CAST: variants seen among roughly 807,000 people sequenced by gnomAD.
CAST encodes MIR583 host.
A neutral mutation model predicts 119.6 loss-of-function variants in CAST; 76 were observed. The observed-to-expected ratio is 0.64, with a 90% confidence interval of 0.53 to 0.77. The LOEUF (loss-of-function observed/expected upper bound fraction) is 0.77, where lower values mean the gene tolerates loss of function less well. CAST is among the 30% of genes least tolerant of loss of function. The pLI is 0.00. For missense variants in CAST, 953 were observed against 946.5 expected, an observed-to-expected ratio of 1.01 and a Z score of -0.09; for synonymous variants, 319 against 331.6, an observed-to-expected ratio of 0.96 and a Z score of 0.41.
the CAST span, chr5:96,412,527 A>C: frequency 2.5e-6 from 4 of 1,568,672 alleles, no homozygotes; most frequent in Non-Finnish European, 3.5e-6. Context: ...ACAAAGGTTG[A>C]TGTCAGTATG....
At chr5:95,975,991 CTT>C in the CAST span, among the ~76,000 whole-genome samples, 1 of 152,102 alleles carries the variant, frequency 6.6e-6, no homozygotes, top group Admixed American at 6.6e-5. Context: ...TGCTTGTAAT[CTT>C]CAAGGGCACT....
chr5:96,320,987 A>T, the CAST span, among the ~76,000 whole-genome samples: 1 of 152,100 alleles, frequency 6.6e-6, no homozygotes, highest in East Asian at 1.9e-4. Flanking sequence ...GTTCCTACAA[A>T]ATCTAGATTG....
the CAST span, among the ~76,000 whole-genome samples, chr5:96,151,760 G>A: frequency 6.6e-6 from 1 of 152,296 alleles, no homozygotes; most frequent in East Asian, 1.9e-4. Context: ...TTTGTGCAGG[G>A]CACTGAGTTA....
chr5:96,299,121 T>C, the CAST span, among the ~76,000 whole-genome samples: 27 of 151,974 alleles, frequency 1.8e-4, no homozygotes, highest in Non-Finnish European at 3.5e-4. Context: ...GGTGGGCACC[T>C]GTAATCCCAG....
intron 1 of CAST, among the ~76,000 whole-genome samples, chr5:96,605,205 T>C (rs545343094): frequency 1.3e-5 from 2 of 152,312 alleles, no homozygotes; most frequent in South Asian, 4.1e-4. Flanking sequence ...GGTAGAGCTG[T>C]CCTACCTTTA....
At chr5:96,158,673 A>C in the CAST span, among the ~76,000 whole-genome samples, 64 of 152,342 alleles carry the variant, frequency 4.2e-4, no homozygotes, top group Non-Finnish European at 8.2e-4. Context: ...CTTTATTTGT[A>C]AAAGGTGCTT....
At chr5:96,384,881 C>T in the CAST span, among the ~76,000 whole-genome samples, 1 of 152,156 alleles carries the variant, frequency 6.6e-6, no homozygotes, top group African/African-American at 2.4e-5. Context: ...AGAAGTCCTA[C>T]AGTGAAAAAA....
chr5:96,129,898 A>G, the CAST span, among the ~76,000 whole-genome samples: 1 of 152,006 alleles, frequency 6.6e-6, no homozygotes, highest in Non-Finnish European at 1.5e-5. Flanking sequence ...TTTTTTACCC[A>G]GAGTGTGGTA....
the CAST span, chr5:96,416,038 A>G: frequency 4.1e-5 from 66 of 1,602,566 alleles, no homozygotes; most frequent in East Asian, 1.3e-3. Flanking sequence ...TTTACCTCCA[A>G]CTTTGGAATT....
Position 96,708,411 on chromosome 5 carries a change from G to T in CAST, c.210+12504G>T, listed in dbSNP as rs150644541. Among the ~76,000 whole-genome samples the T allele has an allele frequency of 7.7e-3, 1,171 of 151,948 alleles. 36 individuals are homozygous for T. Among genetic ancestry groups the T allele is most frequent in the Admixed American group, 0.056 (849 of 15,258 alleles). ...GTAGTTTATATTTTCACCTATTTTT[G>T]ATTTGGGGCTTTTATTTTTTCTTTT... is the stretch of plus-strand genomic sequence containing the variant. On this transcript the variant is annotated intron_variant, in intron 3 of 31. Transcript: ENST00000675179.
the CAST span, among the ~76,000 whole-genome samples, chr5:96,010,374 C>T: frequency 2.0e-5 from 3 of 152,078 alleles, no homozygotes; most frequent in Admixed American, 6.5e-5. Context: ...TGCAATGGCA[C>T]GATCTCAGCT....
At chr5:96,594,542 T>C (rs1362705614) in intron 1 of CAST, among the ~76,000 whole-genome samples, 1 of 152,222 alleles carries the variant, frequency 6.6e-6, no homozygotes, top group Non-Finnish European at 1.5e-5. Context: ...AAATTCATTC[T>C]AGTAATTTAA....
the CAST span, among the ~76,000 whole-genome samples, chr5:96,138,680 G>A: frequency 6.6e-6 from 1 of 151,670 alleles, no homozygotes; most frequent in Non-Finnish European, 1.5e-5. Context: ...TATAGATTTT[G>A]TATATATACA....
chr5:96,513,914 C>T, the CAST span, among the ~76,000 whole-genome samples: 2 of 152,222 alleles, frequency 1.3e-5, no homozygotes, highest in Non-Finnish European at 2.9e-5. Flanking sequence ...TTCTTGCCTT[C>T]TAGCTTCTGG....
At chr5:96,659,012 A>G (rs185976828), upstream of CAST, among the ~76,000 whole-genome samples, 70 of 152,314 alleles carry the variant, frequency 4.6e-4, no homozygotes, top group Middle Eastern at 3.4e-3. Context: ...TCAAGTATAT[A>G]TTTATATGCA....
rs369826675 is a variant in CAST at position 96,605,521 on chromosome 5, G to A, written c.61-70018G>A. On this transcript the variant is annotated intron_variant, in intron 1 of 11. Coordinates refer to the CAST transcript ENST00000505143. ...GTAGCATTTTTCCCTTTTACCCTAA[G>A]AGACAATTCAGCCTACCTGTTTTAA... is the stretch of plus-strand genomic sequence containing the variant. Among the ~76,000 whole-genome samples, 361 of 152,282 alleles carry A rather than the reference G, an allele frequency of 2.4e-3. 2 individuals carry two copies. Among genetic ancestry groups the A allele is most frequent in the African/African-American group, 8.5e-3 (352 of 41,558 alleles).
the CAST span, chr5:96,394,757 C>T: frequency 0.24 from 220,580 of 930,106 alleles, 28,769 homozygotes; most frequent in Non-Finnish European, 0.26. Flanking sequence ...TTATCCTCCC[C>T]ATCCATGTTT....
chr5:96,317,309 C>CAAAAAAAAAA, the CAST span, among the ~76,000 whole-genome samples: 1 of 104,010 alleles, frequency 9.6e-6, no homozygotes, highest in African/African-American at 3.6e-5. Context: ...ACCAAAAATA[C>CAAAAAAAAAA]AAAAAAAAAA....
intron 1 of CAST, among the ~76,000 whole-genome samples, chr5:96,664,521 C>A (rs1347894220): frequency 6.6e-6 from 1 of 152,064 alleles, no homozygotes; most frequent in Non-Finnish European, 1.5e-5. Flanking sequence ...CTCAGCCTCC[C>A]AAAATGTTGG....
Sources: gnomAD v4.1 joint callset for allele counts (sites outside exome capture counted in the v4.1 genomes callset) on GRCh38, gnomAD v4.1.1 for gene constraint, MANE v1.5 for transcripts, NCBI Gene and HGNC (gene_info 2026-07-23, HGNC 2026-07-21) for gene names.